SCGB2B2: variants seen among roughly 807,000 people sequenced by gnomAD.
SCGB2B2 encodes the protein secretoglobin family 2B member 2, also known as secretoglobin-like protein.
SCGB2B2 carries 11 observed loss-of-function variants against 7.6 expected under a neutral mutation model. The ratio of observed to expected loss-of-function variants is 1.45; its 90% CI spans 0.91 to 2.40. SCGB2B2 has a LOEUF of 2.40. Among genes scored for constraint, SCGB2B2 ranks in the 30% most tolerant of loss-of-function variants. The pLI is 0.00. For missense variants in SCGB2B2, 104 were observed against 115.4 expected, an observed-to-expected ratio of 0.90 and a Z score of 0.45; for synonymous variants, 50 against 48.6, an observed-to-expected ratio of 1.03 and a Z score of -0.12.
rs2067782896 is a variant in SCGB2B2 at position 34,670,762 on chromosome 19, T to G, written c.-2032+4868A>C. 2.0e-5 allele frequency among the ~76,000 whole-genome samples: 3 copies of G among 152,250 alleles called. No individual in the cohort carries two copies. In the South Asian group the frequency reaches 6.2e-4, roughly 31 times the overall value. On this transcript the variant is annotated intron_variant, in intron 1 of 3. Transcript: ENST00000601241. ...AAGTTGAATGTGTTATTTTTTTCTT[T>G]GATTGAACATGTTTTTGGTGTATAT...
In SCGB2B2 at chr19:34,591,852, G is replaced by A. The variant is rs2065304819; in HGVS notation, c.*1703C>T. ...CAGTCCCGCCTGATCACATTTCCCT[G>A]TTGGGTGGTCCTTGTGGTTCTCATC... On this transcript the variant is annotated 3_prime_UTR_variant, in exon 4 of 4. Coordinates refer to ENST00000601241, the MANE Select transcript of SCGB2B2 (RefSeq NM_001025591.4). Among the ~76,000 whole-genome samples, 1 of 152,208 alleles carries A rather than the reference G, an allele frequency of 6.6e-6. No individual in the cohort carries two copies. The highest frequency in any genetic ancestry group is 1.5e-5 in the Non-Finnish European group (1 of 68,044).
At chr19:34,589,744 G>A (rs1022520755), downstream of SCGB2B2, among the ~76,000 whole-genome samples, 1 of 152,154 alleles carries the variant, frequency 6.6e-6, no homozygotes, top group Non-Finnish European at 1.5e-5. Flanking sequence ...GTGGATGATG[G>A]AGGAGGAGGG....
At chr19:34,659,585 T>C (rs1478690508) in intron 1 of SCGB2B2, among the ~76,000 whole-genome samples, 1 of 152,140 alleles carries the variant, frequency 6.6e-6, no homozygotes, top group Non-Finnish European at 1.5e-5. Context: ...TTACAAGGGA[T>C]GTGAAGGATG....
At chr19:34,612,698 A>ATGTTT in intron 1 of SCGB2B2, among the ~76,000 whole-genome samples, 1 of 152,288 alleles carries the variant, frequency 6.6e-6, no homozygotes, top group East Asian at 1.9e-4. Context: ...CATAAATCCA[A>ATGTTT]CGTTTCTTTG....
intron 1 of SCGB2B2, among the ~76,000 whole-genome samples, chr19:34,630,935 T>TA (rs1422342884): frequency 6.6e-6 from 1 of 151,634 alleles, no homozygotes; most frequent in Admixed American, 6.6e-5. Flanking sequence ...TATGCAGCCA[T>TA]AAAAAATGAT....
At chr19:34,600,870 A>G (rs996450250) in intron 1 of SCGB2B2, among the ~76,000 whole-genome samples, 1 of 151,920 alleles carries the variant, frequency 6.6e-6, no homozygotes. Flanking sequence ...AGAAGTTTAA[A>G]GTTTACTATA....
chr19:34,670,208 A>G (rs1316853171), intron 1 of SCGB2B2, among the ~76,000 whole-genome samples: 2 of 152,230 alleles, frequency 1.3e-5, no homozygotes, highest in African/African-American at 4.8e-5. Flanking sequence ...CTGGGAGGAC[A>G]GTCTCCAGAG....
chr19:34,652,858 A>C (rs1251001929), intron 1 of SCGB2B2, among the ~76,000 whole-genome samples: 1 of 151,576 alleles, frequency 6.6e-6, no homozygotes, highest in South Asian at 2.1e-4. Flanking sequence ...TACTGGGTAC[A>C]CATCCAGGCA....
intron 1 of SCGB2B2, among the ~76,000 whole-genome samples, chr19:34,600,640 A>C (rs1479183727): frequency 6.6e-6 from 1 of 152,142 alleles, no homozygotes; most frequent in African/African-American, 2.4e-5. Context: ...AATGAGGTTG[A>C]GGCCTCTTCA....
chr19:34,623,507 T>A (rs1483294068), intron 1 of SCGB2B2, among the ~76,000 whole-genome samples: 1 of 152,160 alleles, frequency 6.6e-6, no homozygotes, highest in East Asian at 1.9e-4. Context: ...GTGCTGCCCA[T>A]GGATGCAAGC....
rs2067037870 is a variant in SCGB2B2 at position 34,647,050 on chromosome 19, G to C, written c.-2032+28580C>G. Among the ~76,000 whole-genome samples, 3 of 151,862 alleles carry C rather than the reference G, an allele frequency of 2.0e-5. No individual in the cohort carries two copies. The South Asian group carries it at 6.3e-4, about 32-fold the overall frequency. ...CCAACCCCCCAGGACTCCAGATGCT[G>C]GAGGCTGGGAAACCTTGCCCTCCTG... On this transcript the variant is annotated intron_variant, in intron 1 of 3. Transcript: ENST00000601241.
chr19:34,640,885 G>A (rs1469825031), intron 1 of SCGB2B2, among the ~76,000 whole-genome samples: 3 of 151,976 alleles, frequency 2.0e-5, no homozygotes, highest in Admixed American at 1.3e-4. Flanking sequence ...GGGACTTAGA[G>A]CTCATACAAC....
chr19:34,609,167 A>G (rs953944822), intron 1 of SCGB2B2, among the ~76,000 whole-genome samples: 3 of 151,824 alleles, frequency 2.0e-5, no homozygotes, highest in Non-Finnish European at 4.4e-5. Context: ...ACATCAGATT[A>G]TTTGTGTGTT....
intron 1 of SCGB2B2, among the ~76,000 whole-genome samples, chr19:34,638,958 C>A (rs1260834021): frequency 2.6e-5 from 4 of 152,164 alleles, no homozygotes; most frequent in African/African-American, 9.7e-5. Flanking sequence ...TCAAAGGGAC[C>A]TCTGCAGACT....
rs575015805 is a variant in SCGB2B2, at chr19:34,619,690, G to C, written c.-2031-23096C>G. 8.5e-5 allele frequency among the ~76,000 whole-genome samples: 13 copies of C among 152,266 alleles called. No homozygotes were observed. The East Asian group carries it at 2.3e-3, about 27-fold the overall frequency. On this transcript the variant is annotated intron_variant, in intron 1 of 3. Coordinates refer to ENST00000601241, the MANE Select transcript of SCGB2B2 (RefSeq NM_001025591.4). ...AAATCAGAAAAGACTGATTCCCTAA[G>C]CCAGGAATTGAACCCAGGCCACCAG...
intron 1 of SCGB2B2, among the ~76,000 whole-genome samples, chr19:34,600,915 T>A (rs542362641): frequency 2.4e-5 from 2 of 83,198 alleles, no homozygotes; most frequent in East Asian, 5.8e-4. Context: ...CTGCTCGGGG[T>A]GTGGTGTGTG....
chr19:34,612,022 CTTTTTTTTTTTTTTTTTTTT>C (rs753968261), intron 1 of SCGB2B2, among the ~76,000 whole-genome samples: 10 of 41,766 alleles, frequency 2.4e-4, no homozygotes, highest in South Asian at 1.3e-3. Flanking sequence ...TTAGAAAATT[CTTTTTTTTTTTTTTTTTTTT>C]TTTTTTTTTT....
intron 1 of SCGB2B2, among the ~76,000 whole-genome samples, chr19:34,647,324 C>A (rs564989880): frequency 6.6e-6 from 1 of 152,280 alleles, no homozygotes; most frequent in South Asian, 2.1e-4. Context: ...CAAGGCTCCA[C>A]CAACTCCCTC....
intron 1 of SCGB2B2, among the ~76,000 whole-genome samples, chr19:34,669,983 T>C (rs1281336886): frequency 6.6e-6 from 1 of 152,174 alleles, no homozygotes; most frequent in Non-Finnish European, 1.5e-5. Flanking sequence ...TATGATTAGC[T>C]AGTTTGAATA....
Sources: gnomAD v4.1 joint callset for allele counts (sites outside exome capture counted in the v4.1 genomes callset) on GRCh38, gnomAD v4.1.1 for gene constraint, MANE v1.5 for transcripts, NCBI Gene and HGNC (gene_info 2026-07-23, HGNC 2026-07-21) for gene names.